The following TOLLIP variants were observed in gnomAD, a reference collection of about 807,000 sequenced individuals.
TOLLIP encodes toll-interacting protein.
A neutral mutation model predicts 33.5 loss-of-function variants in TOLLIP; 16 were observed. The ratio of observed to expected loss-of-function variants is 0.48; its 90% CI spans 0.32 to 0.72. The LOEUF (loss-of-function observed/expected upper bound fraction) is 0.72. Among genes scored for constraint, TOLLIP ranks in the 30% least tolerant of loss-of-function variants. The probability of loss-of-function intolerance (pLI) is 0.03; values close to 1 mark genes in which losing one functional copy is unlikely to be tolerated. For missense variants in TOLLIP, 325 were observed against 396.6 expected (o/e 0.82, Z 1.53); for synonymous variants, 176 against 163.7 (o/e 1.07, Z -0.57).
At chr11:1,284,511 G>A (rs1270935503) in intron 5 of TOLLIP, among the ~76,000 whole-genome samples, 1 of 152,134 alleles carries the variant, frequency 6.6e-6, no homozygotes, top group Admixed American at 6.5e-5. Context: ...ACCGCGCCCG[G>A]CTAATTTGTT....
At chr11:1,309,394 T>C (rs1217773705) in intron 1 of TOLLIP, 72 bp downstream of exon 1, 9 of 872,882 alleles carry the variant, frequency 1.0e-5, no homozygotes, top group Non-Finnish European at 1.4e-5. Context: ...AGCTGAGCAG[T>C]AGCCCTGACC....
rs111866843 is a variant in TOLLIP at position 1,289,305 on chromosome 11, C to A, written c.367-529G>T. Among the ~76,000 whole-genome samples, 190 of 152,336 alleles carry A rather than the reference C, an allele frequency of 1.2e-3. 4 individuals are homozygous for A. The highest frequency in any genetic ancestry group is 4.4e-3 in the African/African-American group (184 of 41,584). On this transcript the variant is annotated intron_variant, in intron 3 of 5. Coordinates refer to ENST00000317204, the MANE Select transcript of TOLLIP (RefSeq NM_019009.4). ...CCGGGAGGAAAAGGCAGGGCCCAGG[C>A]AGGGAGGGCTGGCCGTCTGCTGGCC...
At position 1,275,461 on chromosome 11, in the gene TOLLIP, CG is replaced by C. The variant is rs932420270; in HGVS notation, c.*1577del. 1.3e-5 allele frequency: 2 copies of C among 152,126 alleles called. No homozygotes were observed. The highest frequency in any genetic ancestry group is 1.9e-4 in the East Asian group (1 of 5,202). The allele number at this position is 152,126 out of a possible 1,614,324, so 9.4% of individuals were successfully genotyped here. ...CCAATGGAGAAGAAATCTACACAGG[CG>C]TAAGACCAGGCCATCTGAGACAGGG... On this transcript the variant is annotated 3_prime_UTR_variant, in exon 6 of 6. Transcript: ENST00000317204.
At chr11:1,300,135 C>T (rs934739636) in intron 1 of TOLLIP, among the ~76,000 whole-genome samples, 1 of 152,206 alleles carries the variant, frequency 6.6e-6, no homozygotes, top group Non-Finnish European at 1.5e-5. Flanking sequence ...ATAAAAAGGA[C>T]AGGGTAGGGC....
chr11:1,290,105 C>T lies in TOLLIP; in HGVS notation c.366+122G>A, dbSNP rs1240880882. Reference sequence around the variant, plus strand: ...GGACCCTGTCATGCACCCAATGAAACACCAGGTGGGGAGCCACGCCTCGAA... The same window carrying T: ...GGACCCTGTCATGCACCCAATGAAATACCAGGTGGGGAGCCACGCCTCGAA... On this transcript the variant is annotated intron_variant, in intron 3 of 5. Coordinates refer to ENST00000317204, the MANE Select transcript of TOLLIP (RefSeq NM_019009.4). This position sits in a 1 kb window ranked among gnomAD's most constrained non-coding sequence, Gnocchi z 4.9. The T allele has an allele frequency of 8.6e-6, 8 of 930,752 alleles. No homozygotes were observed. Among genetic ancestry groups the T allele is most frequent in the Admixed American group, 6.8e-5 (3 of 44,120 alleles). 57.7% of individuals were successfully genotyped at this position (930,752 alleles called of 1,614,324 possible). A position where few individuals can be genotyped will look rare whatever the true frequency, so the allele number is the denominator to read the frequency against.
intron 1 of TOLLIP, chr11:1,306,207 G>A (rs1033811109): frequency 1.3e-5 from 2 of 152,176 alleles, no homozygotes; most frequent in African/African-American, 4.8e-5. Context: ...CCATTATCCT[G>A]AAGATCTAAA....
intron 5 of TOLLIP, chr11:1,283,439 G>A (rs1463816013): frequency 2.4e-6 from 1 of 424,416 alleles, no homozygotes; most frequent in Non-Finnish European, 4.7e-6. Flanking sequence ...TACTGTGCCA[G>A]GGACGCCCCT....
intron 1 of TOLLIP, 50 bp from the exon 2 acceptor site, chr11:1,295,844 A>G (rs758815028): frequency 6.6e-7 from 1 of 1,503,760 alleles, no homozygotes; most frequent in South Asian, 1.3e-5. Flanking sequence ...GGGGGCACAA[A>G]GCAGCCCGAC....
Position 1,297,074 on chromosome 11 carries a change from C to T in TOLLIP, c.34-1280G>A, listed in dbSNP as rs111550675. Among the ~76,000 whole-genome samples, 30 of 152,144 alleles carry T rather than the reference C, an allele frequency of 2.0e-4. No individual in the cohort carries two copies. The South Asian group carries it at 4.2e-3, about 21-fold the overall frequency. Reference sequence around the variant, plus strand: ...GAGACCCAGCCGTCTGCAGGGGCCCCGGTCAGCGCCAGTGCCCTGGGCAGT... The same window carrying T: ...GAGACCCAGCCGTCTGCAGGGGCCCTGGTCAGCGCCAGTGCCCTGGGCAGT... On this transcript the variant is annotated intron_variant, in intron 1 of 5. Coordinates refer to ENST00000317204, the MANE Select transcript of TOLLIP (RefSeq NM_019009.4).
At chr11:1,304,210 C>T (rs1864363011) in intron 1 of TOLLIP, among the ~76,000 whole-genome samples, 2 of 152,184 alleles carry the variant, frequency 1.3e-5, no homozygotes, top group African/African-American at 4.8e-5. Context: ...GTCCCACCTT[C>T]GAGGCACTGA....
At chr11:1,281,050 G>T (rs1053455073) in intron 5 of TOLLIP, among the ~76,000 whole-genome samples, 1 of 152,208 alleles carries the variant, frequency 6.6e-6, no homozygotes, top group Non-Finnish European at 1.5e-5. Context: ...GAGGCCACGC[G>T]GTCTCCAGAT....
chr11:1,295,292 C>T (rs1020403586), intron 2 of TOLLIP: 4 of 199,064 alleles, frequency 2.0e-5, no homozygotes, highest in African/African-American at 9.2e-5. Flanking sequence ...AAGCCACTCA[C>T]GCAGCACACA....
chr11:1,292,836 G>A (rs139149465), intron 2 of TOLLIP, among the ~76,000 whole-genome samples: 1 of 152,376 alleles, frequency 6.6e-6, no homozygotes, highest in Non-Finnish European at 1.5e-5. Flanking sequence ...GGAGTGACCA[G>A]CTAGGAGGAC....
chr11:1,306,902 C>T (rs750949656), intron 1 of TOLLIP, among the ~76,000 whole-genome samples: 27 of 152,072 alleles, frequency 1.8e-4, no homozygotes, highest in Non-Finnish European at 4.4e-5. Flanking sequence ...ACCCCTACTC[C>T]CATTCCTCCT....
rs1863902719 is a variant in TOLLIP, at chr11:1,290,603, G to A, written c.184-194C>T. ...GGAGCAAGAAGAGTGAGCCACAGATGGATCGTGCAGTTCTGAGACAAAGCA... is the reference window on the plus strand; with the variant it reads ...GGAGCAAGAAGAGTGAGCCACAGATAGATCGTGCAGTTCTGAGACAAAGCA... On this transcript the variant is annotated intron_variant, in intron 2 of 5. Coordinates refer to ENST00000317204, the MANE Select transcript of TOLLIP (RefSeq NM_019009.4). This position sits in a 1 kb window ranked among gnomAD's most constrained non-coding sequence, Gnocchi z 4.9. Among the ~76,000 whole-genome samples, 1 of 152,180 alleles carries A rather than the reference G, an allele frequency of 6.6e-6. No individual in the cohort carries two copies. The highest frequency in any genetic ancestry group is 6.5e-5 in the Admixed American group (1 of 15,274).
intron 1 of TOLLIP, among the ~76,000 whole-genome samples, chr11:1,304,115 G>A (rs904781678): frequency 1.3e-5 from 2 of 151,820 alleles, no homozygotes; most frequent in African/African-American, 4.8e-5. Context: ...AGCAAACAGA[G>A]GGCCAAAAAC....
intron 1 of TOLLIP, 23 bp from the exon 2 acceptor site, chr11:1,295,817 G>C: frequency 6.5e-7 from 1 of 1,534,562 alleles, no homozygotes; most frequent in Non-Finnish European, 8.8e-7. Flanking sequence ...GGACCAGAGA[G>C]GCCAGTGAGT....
intron 1 of TOLLIP, among the ~76,000 whole-genome samples, chr11:1,308,677 C>T (rs1864486445): frequency 6.6e-6 from 1 of 152,244 alleles, no homozygotes; most frequent in African/African-American, 2.4e-5. Flanking sequence ...GTTCCTGGCG[C>T]CTATCCTCTC....
chr11:1,290,824 C>G lies in TOLLIP; in HGVS notation c.184-415G>C, dbSNP rs1235216722. 5.7e-6 allele frequency: 1 copy of G among 175,806 alleles called. No individual in the cohort carries two copies. The highest frequency in any genetic ancestry group is 2.4e-5 in the African/African-American group (1 of 42,288). The allele number at this position is 175,806 out of a possible 1,614,324, so 10.9% of individuals were successfully genotyped here. ...TGAACCTGCCCCCGGAGCATGATGA[C>G]CCGGGAGAGGTGCATCCTCGCTCTA... On this transcript the variant is annotated intron_variant, in intron 2 of 5. Coordinates refer to ENST00000317204, the MANE Select transcript of TOLLIP (RefSeq NM_019009.4). This position sits in a 1 kb window ranked among gnomAD's most constrained non-coding sequence, Gnocchi z 4.9.
Sources: allele counts gnomAD v4.1 joint callset (sites outside exome capture counted in the v4.1 genomes callset), GRCh38; gene constraint gnomAD v4.1.1; non-coding constraint Gnocchi (gnomAD v3.1); transcripts MANE v1.5; gene names NCBI Gene and HGNC (gene_info 2026-07-23, HGNC 2026-07-21).